RBFOX2: variants seen among roughly 807,000 people sequenced by gnomAD.
RBFOX2 encodes the protein RNA binding protein fox-1 homolog 2.
In RBFOX2, 10 loss-of-function variants were observed where a neutral mutation model predicts 49.1. The ratio of observed to expected loss-of-function variants is 0.20; its 90% CI spans 0.13 to 0.35. RBFOX2 has a LOEUF of 0.35. RBFOX2 is among the 10% of genes least tolerant of loss of function. The pLI, the probability that RBFOX2 is intolerant of heterozygous loss-of-function variation, is 1.00. For synonymous variants in RBFOX2, 183 were observed against 187.4 expected (o/e 0.98, Z 0.19); for missense variants, 323 against 486.9 (o/e 0.66, Z 3.17).
chr22:35,895,001 T>C (rs756986843), intron 1 of RBFOX2, among the ~76,000 whole-genome samples: 7 of 149,140 alleles, frequency 4.7e-5, no homozygotes, highest in Non-Finnish European at 1.0e-4. Context: ...AAGAAAAGAC[T>C]GGTCTCCTCC....
chr22:35,848,374 C>G (rs575225151), intron 1 of RBFOX2, among the ~76,000 whole-genome samples: 1 of 151,970 alleles, frequency 6.6e-6, no homozygotes, highest in Non-Finnish European at 1.5e-5. Flanking sequence ...TTTGAATAAT[C>G]CAAAATAACA....
Position 35,868,531 on chromosome 22 carries a change from C to T in RBFOX2, c.-33-58527G>A, listed in dbSNP as rs187151013. 1.1e-3 allele frequency among the ~76,000 whole-genome samples: 168 copies of T among 152,154 alleles called. 2 individuals carry two copies. The highest frequency in any genetic ancestry group is 4.4e-3 in the Admixed American group (67 of 15,280). ...CTGGGAGGCCAAGGTGGGAGGACTG[C>T]TTCAGCCCAGGAGTTCAAGACCAGC... On this transcript the variant is annotated intron_variant, in intron 1 of 13. Transcript: ENST00000359369.
chr22:35,888,597 G>T (rs887735533), intron 1 of RBFOX2, among the ~76,000 whole-genome samples: 2 of 152,156 alleles, frequency 1.3e-5, no homozygotes, highest in Admixed American at 1.3e-4. Context: ...ACCTGCATCT[G>T]GTGAGGGTCT....
At chr22:35,783,942 C>A (rs984053664) in intron 2 of RBFOX2, among the ~76,000 whole-genome samples, 8 of 152,204 alleles carry the variant, frequency 5.3e-5, no homozygotes, top group Non-Finnish European at 1.0e-4. Context: ...GGCACACCCC[C>A]CTGAAAACCA....
At chr22:35,866,596 G>A (rs960254262) in intron 1 of RBFOX2, among the ~76,000 whole-genome samples, 1 of 152,022 alleles carries the variant, frequency 6.6e-6, no homozygotes, top group African/African-American at 2.4e-5. Flanking sequence ...CTCCTCAAAG[G>A]TTGAAAGAAG....
chr22:35,950,435 G>A (rs891622157), intron 1 of RBFOX2, among the ~76,000 whole-genome samples: 2 of 152,146 alleles, frequency 1.3e-5, no homozygotes, highest in African/African-American at 4.8e-5. Context: ...GGTTCTTACA[G>A]GATAAGCAGT....
At position 35,983,357 on chromosome 22, in the gene RBFOX2, CAGAACCTGAT is replaced by C. The variant is rs557004784; in HGVS notation, c.187-44470_187-44461del. 2.6e-3 allele frequency among the ~76,000 whole-genome samples: 396 copies of C among 152,240 alleles called. 4 individuals are homozygous for C. The highest frequency in any genetic ancestry group is 9.3e-3 in the African/African-American group (387 of 41,558). On this transcript the variant is annotated intron_variant, in intron 1 of 13. Coordinates refer to the RBFOX2 transcript ENST00000438146. ...ATTAACTATAGTTGTCAAAATCAAA[CAGAACCTGAT>C]AGAAAAGTAAGACAGGAAAGGGATA...
chr22:35,834,918 T>C (rs1957381837), intron 1 of RBFOX2, among the ~76,000 whole-genome samples: 1 of 152,176 alleles, frequency 6.6e-6, no homozygotes, highest in African/African-American at 2.4e-5. Flanking sequence ...ACTCTGGCAA[T>C]GACCTCTAAT....
chr22:35,887,105 A>T (rs2149339343), intron 1 of RBFOX2, among the ~76,000 whole-genome samples: 1 of 152,286 alleles, frequency 6.6e-6, no homozygotes, highest in Admixed American at 6.5e-5. Context: ...ACAACAACAA[A>T]ATTCCATATT....
intron 1 of RBFOX2, among the ~76,000 whole-genome samples, chr22:35,868,087 C>T (rs2043897629): frequency 6.6e-6 from 1 of 151,964 alleles, no homozygotes; most frequent in African/African-American, 2.4e-5. Flanking sequence ...TGGTGTGAGC[C>T]TGTAGTCCCA....
At chr22:36,014,532 G>C (rs1433631068) in intron 1 of RBFOX2, among the ~76,000 whole-genome samples, 2 of 152,056 alleles carry the variant, frequency 1.3e-5, no homozygotes, top group Non-Finnish European at 2.9e-5. Context: ...TTTAAGCTCG[G>C]GGATACCAAA....
At chr22:35,824,809 TTAA>T (rs1955289556) in intron 1 of RBFOX2, among the ~76,000 whole-genome samples, 1 of 152,230 alleles carries the variant, frequency 6.6e-6, no homozygotes, top group African/African-American at 2.4e-5. Flanking sequence ...AGGGCATACT[TTAA>T]AAAAGCATAA....
At chr22:35,998,014 T>C (rs925469150) in intron 1 of RBFOX2, 2 of 152,054 alleles carry the variant, frequency 1.3e-5, no homozygotes, top group African/African-American at 4.8e-5. Flanking sequence ...AAAAATAAAA[T>C]AATGACATCT....
At chr22:36,023,570 T>C (rs2059323266) in intron 1 of RBFOX2, among the ~76,000 whole-genome samples, 1 of 152,232 alleles carries the variant, frequency 6.6e-6, no homozygotes, top group Admixed American at 6.5e-5. Context: ...CACTACATTG[T>C]ATAGAGCGTA....
chr22:35,972,525 C>T (rs2056936480), intron 1 of RBFOX2, among the ~76,000 whole-genome samples: 1 of 151,942 alleles, frequency 6.6e-6, no homozygotes, highest in South Asian at 2.1e-4. Flanking sequence ...CACTAAGTAG[C>T]CATATGGCTT....
At chr22:35,835,332 G>C (rs965023112) in intron 1 of RBFOX2, among the ~76,000 whole-genome samples, 8 of 152,162 alleles carry the variant, frequency 5.3e-5, no homozygotes, top group African/African-American at 1.9e-4. Context: ...TAGTATGACT[G>C]GTTCCCAGAA....
intron 1 of RBFOX2, among the ~76,000 whole-genome samples, chr22:35,967,557 A>T (rs1239266938): frequency 1.3e-5 from 2 of 152,210 alleles, no homozygotes; most frequent in African/African-American, 4.8e-5. Flanking sequence ...AGGTGCTACA[A>T]GAGATGAAAA....
chr22:35,807,271 A>G (rs919613199), intron 2 of RBFOX2, among the ~76,000 whole-genome samples: 1 of 152,260 alleles, frequency 6.6e-6, no homozygotes, highest in African/African-American at 2.4e-5. Context: ...AAGCCAAGAA[A>G]TAGTAAAAGA....
At chr22:35,752,369 C>T (rs1935275538) in intron 9 of RBFOX2, among the ~76,000 whole-genome samples, 3 of 152,144 alleles carry the variant, frequency 2.0e-5, no homozygotes. Context: ...ATATTACACA[C>T]CTGGCTGGGA....
Sources: gnomAD v4.1 joint callset for allele counts (sites outside exome capture counted in the v4.1 genomes callset) on GRCh38, gnomAD v4.1.1 for gene constraint, MANE v1.5 for transcripts, NCBI Gene and HGNC (gene_info 2026-07-23, HGNC 2026-07-21) for gene names.